Variants in SNAP91 observed in about 807,000 individuals in gnomAD.
SNAP91 encodes the protein clathrin coat assembly protein AP180.
SNAP91 carries 27 observed loss-of-function variants against 100.3 expected under a neutral mutation model. The observed-to-expected ratio is 0.27, with a 90% confidence interval of 0.20 to 0.37. SNAP91 has a LOEUF of 0.37. Ranked by LOEUF, SNAP91 falls within the 10% of genes least tolerant of loss-of-function variation. The pLI is 1.00. For missense variants in SNAP91, 986 were observed against 1,123.7 expected, an observed-to-expected ratio of 0.88 and a Z score of 1.75; for synonymous variants, 404 against 398.6, an observed-to-expected ratio of 1.01 and a Z score of -0.16.
At chr6:83,556,092 A>C in intron 29 of SNAP91, 51 bp downstream of exon 29, 1 of 986,794 alleles carries the variant, frequency 1.0e-6, no homozygotes, top group East Asian at 2.7e-5. Context: ...ATAGCTAAGC[A>C]TTGTATAGCT....
chr6:83,681,737 G>A (rs969037556), intron 2 of SNAP91, among the ~76,000 whole-genome samples: 1 of 152,104 alleles, frequency 6.6e-6, no homozygotes, highest in Non-Finnish European at 1.5e-5. Context: ...AGAGATGAGA[G>A]GGGTATCTGT....
intron 10 of SNAP91, among the ~76,000 whole-genome samples, chr6:83,616,611 C>T (rs1169252648): frequency 2.0e-5 from 3 of 152,104 alleles, no homozygotes; most frequent in Non-Finnish European, 2.9e-5. Flanking sequence ...GTGCTCAAGG[C>T]TGCTTGTGAA....
chr6:83,565,830 T>C (rs1795772184), intron 26 of SNAP91, among the ~76,000 whole-genome samples: 1 of 152,170 alleles, frequency 6.6e-6, no homozygotes, highest in Non-Finnish European at 1.5e-5. Context: ...TGGGAGGATA[T>C]AGAGAACTTG....
chr6:83,558,245 TTC>T (rs1259950186), intron 28 of SNAP91, among the ~76,000 whole-genome samples: 1 of 152,194 alleles, frequency 6.6e-6, no homozygotes, highest in African/African-American at 2.4e-5. Context: ...ACAGAAATAT[TTC>T]TTTTTTTTCA....
chr6:83,662,140 C>T (rs1044682666), intron 4 of SNAP91, among the ~76,000 whole-genome samples: 23 of 151,768 alleles, frequency 1.5e-4, no homozygotes, highest in African/African-American at 5.1e-4. Context: ...TTAAGGTAAA[C>T]GTGGTAAAAA....
At chr6:83,594,314 C>T (rs2094205170) in intron 17 of SNAP91, 60 bp downstream of exon 17, 1 of 1,307,032 alleles carries the variant, frequency 7.7e-7, no homozygotes, top group Non-Finnish European at 1.1e-6. Flanking sequence ...CCTCTTCTAA[C>T]TACGGGGGTT....
At position 83,661,712 on chromosome 6, in the gene SNAP91, AG is replaced by A; in HGVS notation, c.350-109del. ...CTCTAAATGGTGATAGTCCTAGGAT[AG>A]GGTCAATAACTGTATCAGATAGATC... On this transcript the variant is annotated intron_variant, in intron 4 of 29. Transcript: ENST00000369694. The A allele has an allele frequency of 7.1e-6, 4 of 565,850 alleles. No individual in the cohort carries two copies. In the East Asian group the frequency reaches 1.2e-4, roughly 17 times the overall value. The allele number at this position is 565,850 out of a possible 1,614,324, so 35.1% of individuals were successfully genotyped here.
chr6:83,574,924 A>T, intron 26 of SNAP91, 86 bp downstream of exon 26: 1 of 810,282 alleles, frequency 1.2e-6, no homozygotes, highest in Non-Finnish European at 2.0e-6. Context: ...CACCGTCGGC[A>T]GCAAAGTTAG....
chr6:83,575,182 T>TGTGTG lies in SNAP91; in HGVS notation c.2331-66_2331-62dup. On this transcript the variant is annotated intron_variant, in intron 25 of 29. Coordinates refer to ENST00000369694, the MANE Select transcript of SNAP91 (RefSeq NM_001242792.2). ...AAAATCACAAATCAGAAAAAAATGG[T>TGTGTG]GTGTGGCTCCTTAGATTATTTTATT... 3 of 1,128,768 alleles carry TGTGTG rather than the reference T, an allele frequency of 2.7e-6. No homozygotes were observed. In the South Asian group the frequency reaches 4.0e-5, roughly 15 times the overall value. 69.9% of individuals were successfully genotyped at this position (1,128,768 alleles called of 1,614,324 possible). A position where few individuals can be genotyped will look rare whatever the true frequency, so the allele number is the denominator to read the frequency against.
At chr6:83,577,788 T>C (rs1473265518) in intron 24 of SNAP91, among the ~76,000 whole-genome samples, 3 of 152,206 alleles carry the variant, frequency 2.0e-5, no homozygotes, top group Non-Finnish European at 4.4e-5. Flanking sequence ...CGTAATTCAA[T>C]GGTTTTAGTT....
intron 2 of SNAP91, among the ~76,000 whole-genome samples, chr6:83,696,462 A>G (rs2099213278): frequency 6.6e-6 from 1 of 152,206 alleles, no homozygotes; most frequent in African/African-American, 2.4e-5. Flanking sequence ...AACTTCTAAG[A>G]TTCTCCTAAG....
Position 83,576,016 on chromosome 6 carries a change from C to T in SNAP91, c.2330+7G>A. ...AAAAGGAAATCACATAATTTCCAAA[C>T]ACTTACTTTTTTGTTGTGGTACCAG... On this transcript the variant is annotated splice_region_variant and intron_variant, in intron 25 of 29. Transcript: ENST00000369694. 7.1e-7 allele frequency: 1 copy of T among 1,404,524 alleles called. No individual in the cohort carries two copies. Among genetic ancestry groups the T allele is most frequent in the Non-Finnish European group, 9.7e-7 (1 of 1,031,442 alleles). 87.0% of individuals were successfully genotyped at this position (1,404,524 alleles called of 1,614,324 possible).
intron 16 of SNAP91, among the ~76,000 whole-genome samples, chr6:83,596,521 T>C (rs898308830): frequency 1.3e-5 from 2 of 152,082 alleles, no homozygotes; most frequent in Non-Finnish European, 2.9e-5. Context: ...TAGAAACACA[T>C]AGCAGTCATA....
At chr6:83,638,680 A>C (rs1243096691) in intron 8 of SNAP91, among the ~76,000 whole-genome samples, 1 of 152,182 alleles carries the variant, frequency 6.6e-6, no homozygotes. Context: ...AAGGTGATGT[A>C]TTTCCATTAA....
chr6:83,650,327 A>G (rs2098142438), intron 7 of SNAP91, among the ~76,000 whole-genome samples: 1 of 152,232 alleles, frequency 6.6e-6, no homozygotes, highest in South Asian at 2.1e-4. Context: ...GCAGAAGGCT[A>G]GGAGACTGAA....
chr6:83,693,294 G>A lies in SNAP91; in HGVS notation c.130+14504C>T, dbSNP rs532622884. Among the ~76,000 whole-genome samples the A allele has an allele frequency of 3.9e-5, 6 of 152,248 alleles. No individual in the cohort carries two copies. In the South Asian group the frequency reaches 1.2e-3, roughly 32 times the overall value. On this transcript the variant is annotated intron_variant, in intron 2 of 29. Transcript: ENST00000369694. ...AGAGTATTTAACTAATGGGCTTTGT[G>A]AAGATGAAGTCAATCAGTCACATAC...
intron 2 of SNAP91, among the ~76,000 whole-genome samples, chr6:83,666,236 T>G (rs952094692): frequency 3.9e-5 from 6 of 152,094 alleles, no homozygotes; most frequent in African/African-American, 1.4e-4. Flanking sequence ...TGAGTCCAGG[T>G]GTATTTTTTA....
intron 5 of SNAP91, among the ~76,000 whole-genome samples, chr6:83,660,512 ATAT>A (rs2098519641): frequency 6.6e-6 from 1 of 151,848 alleles, no homozygotes; most frequent in Admixed American, 6.5e-5. Context: ...TGAGGAACAG[ATAT>A]AAGATATGCA....
At chr6:83,620,467 A>G (rs1293627271) in intron 9 of SNAP91, among the ~76,000 whole-genome samples, 1 of 152,196 alleles carries the variant, frequency 6.6e-6, no homozygotes, top group Non-Finnish European at 1.5e-5. Context: ...ACAGCTCTCT[A>G]AAGGACTAAC....
Sources: allele counts gnomAD v4.1 joint callset (sites outside exome capture counted in the v4.1 genomes callset), GRCh38; gene constraint gnomAD v4.1.1; transcripts MANE v1.5; gene names NCBI Gene and HGNC (gene_info 2026-07-23, HGNC 2026-07-21).